DNAH7: variants seen among roughly 807,000 people sequenced by gnomAD.
DNAH7 encodes the protein dynein axonemal heavy chain 7.
Under a neutral mutation model 444.6 loss-of-function variants are expected in DNAH7, and 397 were observed. That is an observed-to-expected ratio of 0.89 (90% CI 0.82 to 0.97). The LOEUF is 0.97. Ranked by LOEUF, DNAH7 falls within the 50% of genes least tolerant of loss-of-function variation. The probability of loss-of-function intolerance (pLI) is 0.00; values close to 1 mark genes in which losing one functional copy is unlikely to be tolerated. For synonymous variants in DNAH7, 1,636 were observed against 1,624.4 expected (o/e 1.01, Z -0.17); for missense variants, 4,902 against 4,800.8 (o/e 1.02, Z -0.62).
At position 195,906,914 on chromosome 2, in the gene DNAH7, G is replaced by A. The variant is rs377128348; in HGVS notation, c.4200C>T (p.Ile1400=). 33 of 1,611,898 alleles carry A rather than the reference G, an allele frequency of 2.0e-5. No homozygotes were observed. The East Asian group carries it at 4.0e-4, about 20-fold the overall frequency. ...LSVVAQQILT[I]QRGINAGADI... ...GACAAACTAGTCCATTACCTCTTTG[G>A]ATAGTAAGGATTTGTTGAGCAACCA... Residue 1400 remains isoleucine (I), a synonymous_variant, in exon 26 of 65, where the codon ATC becomes ATT. Transcript: ENST00000312428.
chr2:195,757,756 C>CCAGA (rs1272321506), intron 61 of DNAH7, among the ~76,000 whole-genome samples: 1 of 152,118 alleles, frequency 6.6e-6, no homozygotes, highest in Non-Finnish European at 1.5e-5. Flanking sequence ...TAAGAATCAA[C>CCAGA]CAGACATACA....
intron 19 of DNAH7, among the ~76,000 whole-genome samples, chr2:195,943,735 C>A (rs1689618784): frequency 6.6e-6 from 1 of 152,142 alleles, no homozygotes; most frequent in Non-Finnish European, 1.5e-5. Context: ...AGTTCTGGTT[C>A]ATGCTTGCTT....
At chr2:195,861,444 G>T (rs1325363305) in intron 42 of DNAH7, among the ~76,000 whole-genome samples, 1 of 152,108 alleles carries the variant, frequency 6.6e-6, no homozygotes, top group East Asian at 1.9e-4. Flanking sequence ...CTCTCTACTA[G>T]TGTTTACTCA....
intron 48 of DNAH7, among the ~76,000 whole-genome samples, chr2:195,831,819 A>C (rs16840441): frequency 0.04 from 6,058 of 152,242 alleles, 169 homozygotes; most frequent in African/African-American, 0.075. Context: ...GTGATATGAT[A>C]TACACATAAA....
At chr2:195,857,296 A>G in intron 44 of DNAH7, 81 bp downstream of exon 44, 1 of 1,258,044 alleles carries the variant, frequency 7.9e-7, no homozygotes, top group Non-Finnish European at 1.1e-6. Flanking sequence ...TCACTTACAT[A>G]ACTTTTAAAT....
At chr2:195,921,319 ATCAG>A (rs1285072707) in intron 24 of DNAH7, among the ~76,000 whole-genome samples, 3 of 151,140 alleles carry the variant, frequency 2.0e-5, no homozygotes, top group African/African-American at 2.4e-5. Context: ...CCAAATGCCC[ATCAG>A]TCAATGAGTG....
intron 19 of DNAH7, among the ~76,000 whole-genome samples, chr2:195,946,302 A>C (rs1689800293): frequency 6.6e-6 from 1 of 152,162 alleles, no homozygotes; most frequent in Admixed American, 6.6e-5. Flanking sequence ...AGATTTGTGA[A>C]ATACTGCTAC....
Position 195,994,746 on chromosome 2 carries a change from C to T in DNAH7, c.1353+5958G>A, listed in dbSNP as rs538811512. On this transcript the variant is annotated intron_variant, in intron 12 of 64. Transcript: ENST00000312428. ...CACTAAGTTTTCAAATATCTTGATA[C>T]GTAACATAAGCTAACCTTTGATTCT... 2.7e-4 allele frequency: 125 copies of T among 471,510 alleles called. 1 individual carries two copies. The highest frequency in any genetic ancestry group is 8.5e-4 in the South Asian group (49 of 57,372). 29.2% of individuals were successfully genotyped at this position (471,510 alleles called of 1,614,324 possible). A position where few individuals can be genotyped will look rare whatever the true frequency, so the allele number is the denominator to read the frequency against.
In DNAH7 at chr2:195,816,910, C is replaced by A. The variant is rs755804369; in HGVS notation, c.9479G>T (p.Gly3160Val). 9 of 1,611,092 alleles carry A rather than the reference C, an allele frequency of 5.6e-6. No homozygotes were observed. Among genetic ancestry groups the A allele is most frequent in the African/African-American group, 4.0e-5 (3 of 74,722 alleles). Residue 3160 changes from glycine to valine, a missense_variant, in exon 51 of 65, where the codon GGC becomes GTC. Transcript: ENST00000312428. Reference sequence around the variant, plus strand: ...AGCAGTTTCATCTTCTAATATATTGCCTTCCGAAGATGAAAGAACTTCTAA... The same window carrying A: ...AGCAGTTTCATCTTCTAATATATTGACTTCCGAAGATGAAAGAACTTCTAA... ...KILEVLSSSE[G>V]NILEDETAIK...
intron 23 of DNAH7, among the ~76,000 whole-genome samples, chr2:195,922,864 ATT>A (rs146731861): frequency 2.0e-5 from 3 of 146,902 alleles, no homozygotes; most frequent in African/African-American, 2.5e-5. Flanking sequence ...AATTAGAGGA[ATT>A]TTTTTTTTTT....
intron 19 of DNAH7, among the ~76,000 whole-genome samples, chr2:195,945,582 A>G (rs1689744254): frequency 6.6e-6 from 1 of 152,192 alleles, no homozygotes; most frequent in Non-Finnish European, 1.5e-5. Context: ...TCACTTCCAG[A>G]AAGTCAGATG....
chr2:196,034,037 C>T (rs1696228066), intron 5 of DNAH7, among the ~76,000 whole-genome samples: 1 of 151,998 alleles, frequency 6.6e-6, no homozygotes, highest in Non-Finnish European at 1.5e-5. Flanking sequence ...TTATTTTCAA[C>T]AATATACCAA....
rs749185164 is a variant in DNAH7, at chr2:195,861,910, G to A, written c.7543C>T (p.Arg2515Ter). ...PEDALQAVAS[R>*]FLEEIEMSEE... Reference sequence around the variant, plus strand: ...GACATTTCAATTTCTTCCAAGAATCGTGAGGCAACTGCCTGGAGTGCATCT... The same window carrying A: ...GACATTTCAATTTCTTCCAAGAATCATGAGGCAACTGCCTGGAGTGCATCT... The change falls in exon 42 of 65, where the codon CGA becomes TGA. Residue 2515 changes from arginine to a stop codon, truncating the protein, a stop_gained. Coordinates refer to ENST00000312428, the MANE Select transcript of DNAH7 (RefSeq NM_018897.3). LOFTEE classifies it high-confidence loss of function. 17 of 1,613,856 alleles carry A rather than the reference G, an allele frequency of 1.1e-5. No homozygotes were observed. Among genetic ancestry groups the A allele is most frequent in the Admixed American group, 1.7e-5 (1 of 60,000 alleles).
chr2:195,765,761 G>A (rs1334399776), intron 61 of DNAH7, among the ~76,000 whole-genome samples: 2 of 152,092 alleles, frequency 1.3e-5, no homozygotes, highest in East Asian at 3.9e-4. Context: ...AAAAGGGAAC[G>A]CTTGTACACT....
At chr2:195,831,348 G>C (rs1186045161) in intron 48 of DNAH7, among the ~76,000 whole-genome samples, 4 of 152,188 alleles carry the variant, frequency 2.6e-5, no homozygotes, top group Non-Finnish European at 5.9e-5. Context: ...GACCTGCTCT[G>C]GCTGAAGTAG....
intron 17 of DNAH7, among the ~76,000 whole-genome samples, chr2:195,965,716 T>G (rs952470873): frequency 4.6e-5 from 7 of 152,134 alleles, no homozygotes; most frequent in Admixed American, 3.3e-4. Context: ...ATCTAGGAAT[T>G]TAAGCATTTC....
At chr2:195,757,889 A>C (rs1036728629) in intron 61 of DNAH7, among the ~76,000 whole-genome samples, 1 of 152,222 alleles carries the variant, frequency 6.6e-6, no homozygotes, top group Non-Finnish European at 1.5e-5. Context: ...CCCCCGCCCC[A>C]AAAACTATGC....
intron 20 of DNAH7, among the ~76,000 whole-genome samples, chr2:195,935,508 T>G (rs1031173113): frequency 6.6e-6 from 1 of 152,202 alleles, no homozygotes; most frequent in African/African-American, 2.4e-5. Flanking sequence ...TCACTGTTTA[T>G]ATCAGATGCT....
chr2:195,923,412 T>C (rs565319661), intron 23 of DNAH7, among the ~76,000 whole-genome samples, 183 bp downstream of exon 23: 10 of 152,300 alleles, frequency 6.6e-5, no homozygotes, highest in African/African-American at 2.2e-4. Context: ...CAGATATCAA[T>C]ACAGATGACA....
Sources: allele counts gnomAD v4.1 joint callset (sites outside exome capture counted in the v4.1 genomes callset), GRCh38; gene constraint gnomAD v4.1.1; transcripts MANE v1.5; gene names NCBI Gene and HGNC (gene_info 2026-07-23, HGNC 2026-07-21).